The following BLTP3B variants were observed in gnomAD, a reference collection of about 807,000 sequenced individuals.
BLTP3B encodes UHRF1 (ICBP90) binding protein 1-like.
chr12:100,072,527 T>G, the BLTP3B span: 9 of 732,356 alleles, frequency 1.2e-5, no homozygotes, highest in South Asian at 2.2e-4. Flanking sequence ...GGCAACACAG[T>G]GAGATGCTAG....
the BLTP3B span, among the ~76,000 whole-genome samples, chr12:100,091,828 CAG>C: frequency 7.0e-6 from 1 of 142,354 alleles, no homozygotes; most frequent in Non-Finnish European, 1.5e-5. Flanking sequence ...TTTTTTTAGA[CAG>C]AGTCTTGCTC....
chr12:100,113,333 C>T, the BLTP3B span, among the ~76,000 whole-genome samples: 1 of 151,802 alleles, frequency 6.6e-6, no homozygotes, highest in Non-Finnish European at 1.5e-5. Context: ...GAAAAATTAG[C>T]TGGGTGTGGA....
chr12:100,134,721 G>T, the BLTP3B span, among the ~76,000 whole-genome samples: 1 of 151,824 alleles, frequency 6.6e-6, no homozygotes, highest in Non-Finnish European at 1.5e-5. Context: ...CCAATTTTCC[G>T]ATTTAGTTAA....
At chr12:100,130,208 C>T in the BLTP3B span, among the ~76,000 whole-genome samples, 1 of 152,174 alleles carries the variant, frequency 6.6e-6, no homozygotes, top group African/African-American at 2.4e-5. Context: ...GATGCGCCCG[C>T]CTTGGCCTCC....
chr12:100,039,804 A>G, the BLTP3B span: 1 of 1,597,666 alleles, frequency 6.3e-7, no homozygotes, highest in Non-Finnish European at 8.5e-7. Flanking sequence ...TCAAACAAAT[A>G]ACATGCTCAG....
the BLTP3B span, among the ~76,000 whole-genome samples, chr12:100,081,941 C>T: frequency 6.6e-6 from 1 of 152,128 alleles, no homozygotes; most frequent in Non-Finnish European, 1.5e-5. Flanking sequence ...AATGGGATTG[C>T]TGGGTCAATT....
chr12:100,050,355 G>A, the BLTP3B span: 1 of 1,554,902 alleles, frequency 6.4e-7, no homozygotes, highest in Non-Finnish European at 8.6e-7. Flanking sequence ...AGTATGCCAA[G>A]CAGTTCAAAA....
At chr12:100,069,322 C>T in the BLTP3B span, among the ~76,000 whole-genome samples, 93 of 152,222 alleles carry the variant, frequency 6.1e-4, 1 homozygote, top group African/African-American at 2.1e-3. Context: ...TACTTGCACA[C>T]ACGTTTATAG....
chr12:100,059,718 A>G, the BLTP3B span: 6 of 1,132,066 alleles, frequency 5.3e-6, no homozygotes, highest in African/African-American at 4.8e-5. Context: ...GGGGACTTAC[A>G]TGACCACTAA....
At chr12:100,038,761 G>C in the BLTP3B span, among the ~76,000 whole-genome samples, 1 of 152,108 alleles carries the variant, frequency 6.6e-6, no homozygotes, top group African/African-American at 2.4e-5. Flanking sequence ...AAATATATTA[G>C]AGCAAATATA....
the BLTP3B span, chr12:100,142,682 C>T: frequency 6.3e-7 from 1 of 1,586,354 alleles, no homozygotes; most frequent in Non-Finnish European, 8.6e-7. Flanking sequence ...TGCTCACTGC[C>T]TCCTCTCTTC....
the BLTP3B span, chr12:100,097,502 A>C: frequency 6.2e-7 from 1 of 1,609,028 alleles, no homozygotes; most frequent in Non-Finnish European, 8.5e-7. Flanking sequence ...TTAAAAGTCA[A>C]AACCTAAGGA....
chr12:100,135,281 C>CTTTTTTTTTTTTT, the BLTP3B span, among the ~76,000 whole-genome samples: 77 of 141,222 alleles, frequency 5.5e-4, 3 homozygotes, highest in African/African-American at 1.5e-3. Context: ...TTCTTTCTTT[C>CTTTTTTTTTTTTT]TTTTTTTTTT....
the BLTP3B span, among the ~76,000 whole-genome samples, chr12:100,099,088 G>C: frequency 6.6e-6 from 1 of 151,616 alleles, no homozygotes; most frequent in Non-Finnish European, 1.5e-5. Context: ...TACCTCCCGG[G>C]TTCCAGCAAT....
chr12:100,072,602 C>A, the BLTP3B span: 2 of 1,280,544 alleles, frequency 1.6e-6, no homozygotes, highest in Non-Finnish European at 2.1e-6. Flanking sequence ...ATTTATAAAA[C>A]TCAAAAATAT....
chr12:100,044,778 G>A, the BLTP3B span, among the ~76,000 whole-genome samples: 2 of 152,102 alleles, frequency 1.3e-5, no homozygotes, highest in African/African-American at 4.8e-5. Flanking sequence ...GAAATAAAGG[G>A]TATTCAATTA....
At chr12:100,121,122 C>T in the BLTP3B span, among the ~76,000 whole-genome samples, 10,709 of 151,876 alleles carry the variant, frequency 0.071, 405 homozygotes, top group South Asian at 0.089. Context: ...TCGAGGTGGG[C>T]GGATCACCTG....
chr12:100,053,040 G>A, the BLTP3B span, among the ~76,000 whole-genome samples: 2 of 151,038 alleles, frequency 1.3e-5, no homozygotes, highest in Non-Finnish European at 3.0e-5. Context: ...CGATCCACCC[G>A]CCTCGGCCTC....
the BLTP3B span, among the ~76,000 whole-genome samples, chr12:100,040,957 T>G: frequency 6.6e-6 from 1 of 152,244 alleles, no homozygotes; most frequent in South Asian, 2.1e-4. Flanking sequence ...CCAAACTTTC[T>G]ATGAAGGCAG....
Sources: allele counts gnomAD v4.1 joint callset (sites outside exome capture counted in the v4.1 genomes callset), GRCh38; gene constraint gnomAD v4.1.1; transcripts MANE v1.5; gene names NCBI Gene and HGNC (gene_info 2026-07-23, HGNC 2026-07-21).